Variants in CPA5 observed in about 807,000 individuals in gnomAD.
The protein encoded by CPA5 is testicular tissue protein Li 32.
In CPA5, 38 loss-of-function variants were observed where a neutral mutation model predicts 52.2. The ratio of observed to expected loss-of-function variants is 0.73; its 90% CI spans 0.56 to 0.95. The LOEUF (loss-of-function observed/expected upper bound fraction) is 0.95, where lower values mean the gene tolerates loss of function less well. CPA5 is among the 40% of genes least tolerant of loss of function. The pLI is 0.00. For synonymous variants in CPA5, 198 were observed against 213.7 expected (o/e 0.93, Z 0.64); for missense variants, 519 against 566.7 (o/e 0.92, Z 0.86).
chr7:130,351,178 TG>T (rs782009864), intron 5 of CPA5, among the ~76,000 whole-genome samples: 7 of 152,120 alleles, frequency 4.6e-5, no homozygotes, highest in Non-Finnish European at 7.4e-5. Context: ...GCTCAACGTG[TG>T]GGGGTGGGAT....
chr7:130,349,762 T>C (rs1376978465), intron 4 of CPA5, among the ~76,000 whole-genome samples: 2 of 148,710 alleles, frequency 1.3e-5, no homozygotes, highest in African/African-American at 2.5e-5. Context: ...CAAATCTGTT[T>C]GTATAGGAAA....
At chr7:130,371,299 A>C (rs1037931505), downstream of CPA5, among the ~76,000 whole-genome samples, 9 of 152,242 alleles carry the variant, frequency 5.9e-5, no homozygotes, top group East Asian at 1.3e-3. Flanking sequence ...TCTCAGAGGC[A>C]GGACTATTAC....
chr7:130,368,058 C>T, intron 12 of CPA5, 68 bp downstream of exon 12: 1 of 1,458,896 alleles, frequency 6.9e-7, no homozygotes, highest in Non-Finnish European at 9.6e-7. Flanking sequence ...AGGGCAGTGC[C>T]AAGGATCTAG....
At chr7:130,360,035 C>T (rs979880301) in intron 6 of CPA5, among the ~76,000 whole-genome samples, 4 of 152,166 alleles carry the variant, frequency 2.6e-5, no homozygotes, top group African/African-American at 4.8e-5. Context: ...GCAGGAGCGT[C>T]GCCATCTTGA....
the CPA5 span, among the ~76,000 whole-genome samples, chr7:130,373,992 C>T: frequency 6.6e-6 from 1 of 150,488 alleles, no homozygotes; most frequent in African/African-American, 2.4e-5. Context: ...ACGCCGCCCC[C>T]ACCCCGCCGC....
Position 130,367,574 on chromosome 7 carries a change from G to C in CPA5, c.1038+3G>C, listed in dbSNP as rs1055678745. On this transcript the variant is annotated splice_donor_region_variant and intron_variant, in intron 11 of 12. Transcript: ENST00000474905. ...CCGTTTCAAATCAGAGGGAGTTGGT[G>C]AGACTGGCTGCTTAGGGCCTGGGGA... 4 of 1,613,168 alleles carry C rather than the reference G, an allele frequency of 2.5e-6. No homozygotes were observed. Among genetic ancestry groups the C allele is most frequent in the Middle Eastern group, 3.3e-4 (2 of 6,056 alleles).
chr7:130,350,166 C>T (rs2117310691), intron 5 of CPA5, 57 bp downstream of exon 5: 2 of 1,565,014 alleles, frequency 1.3e-6, no homozygotes, highest in East Asian at 2.3e-5. Flanking sequence ...GGTTGGGGCC[C>T]AACATGGAGG....
intron 5 of CPA5, among the ~76,000 whole-genome samples, chr7:130,358,601 G>C (rs147189207): frequency 2.0e-5 from 3 of 152,106 alleles, no homozygotes; most frequent in Non-Finnish European, 4.4e-5. Context: ...GCAAACAAAG[G>C]GCAACTCGCG....
chr7:130,362,451 G>T lies in CPA5; in HGVS notation c.548G>T (p.Gly183Val), dbSNP rs1554406932. ...TCTTTTTCTCAGTTCAGCACTGGAG[G>T]TTCTCGGCACCCAGCCATCTGGATT... ...SILVLKFSTG[G>V]SRHPAIWIDT... Residue 183 changes from glycine to valine, a missense_variant, in exon 8 of 13, where the codon GGT becomes GTT. Physicochemically the swap from Gly to Val is moderately radical, Grantham distance 109. Coordinates refer to ENST00000474905, the MANE Select transcript of CPA5 (RefSeq NM_080385.5). 2.5e-6 allele frequency: 4 copies of T among 1,612,652 alleles called. No individual in the cohort carries two copies. Among genetic ancestry groups the T allele is most frequent in the Non-Finnish European group, 2.5e-6 (3 of 1,178,886 alleles).
At position 130,367,374 on chromosome 7, in the gene CPA5, A is replaced by C. The variant is rs1316158314; in HGVS notation, c.841A>C (p.Asn281His). Residue 281 changes from asparagine to histidine, a missense_variant and splice_region_variant, in exon 11 of 13, where the codon AAT becomes CAT. Coordinates refer to ENST00000474905, the MANE Select transcript of CPA5 (RefSeq NM_080385.5). ...NRNWKSGFGGNGSNSNPCSET... is the reference protein window; with the variant it reads ...NRNWKSGFGGHGSNSNPCSET... ...GGGTGGCTTTATTTTACTTCCAGGA[A>C]ATGGTTCTAACAGCAACCCCTGCTC... is the stretch of plus-strand genomic sequence containing the variant. 2.5e-6 allele frequency: 4 copies of C among 1,613,826 alleles called. No homozygotes were observed. The highest frequency in any genetic ancestry group is 2.2e-5 in the East Asian group (1 of 44,892).
intron 10 of CPA5, among the ~76,000 whole-genome samples, chr7:130,365,298 G>A (rs1554407927): frequency 6.6e-6 from 1 of 152,178 alleles, no homozygotes; most frequent in Non-Finnish European, 1.5e-5. Context: ...AGCACTGACT[G>A]GAGTGAGTAC....
chr7:130,354,142 G>T (rs1473376940), intron 5 of CPA5, among the ~76,000 whole-genome samples: 1 of 152,078 alleles, frequency 6.6e-6, no homozygotes, highest in African/African-American at 2.4e-5. Context: ...TGCCCAGGCT[G>T]CTCTTGAACT....
At chr7:130,356,402 G>A (rs999822437) in intron 5 of CPA5, among the ~76,000 whole-genome samples, 2 of 152,160 alleles carry the variant, frequency 1.3e-5, no homozygotes, top group Non-Finnish European at 2.9e-5. Context: ...TTGTTTTGTT[G>A]TTTTTTCCTG....
intron 3 of CPA5, among the ~76,000 whole-genome samples, 182 bp downstream of exon 3, chr7:130,346,783 G>A (rs1554402337): frequency 6.6e-6 from 1 of 152,136 alleles, no homozygotes; most frequent in African/African-American, 2.4e-5. Flanking sequence ...CTGGCTCGTT[G>A]GTGGTCCTCC....
chr7:130,368,362 A>G, intron 12 of CPA5, 48 bp from the exon 13 acceptor site: 2 of 1,587,466 alleles, frequency 1.3e-6, no homozygotes, highest in Non-Finnish European at 1.7e-6. Flanking sequence ...TTGCAGCCAC[A>G]TCCCCTTCTT....
At chr7:130,355,818 C>T (rs1795445205) in intron 5 of CPA5, among the ~76,000 whole-genome samples, 1 of 152,234 alleles carries the variant, frequency 6.6e-6, no homozygotes, top group African/African-American at 2.4e-5. Context: ...GAGTTGGTGG[C>T]AGGATCAGGG....
chr7:130,357,623 CAA>C (rs140601691), intron 5 of CPA5, among the ~76,000 whole-genome samples: 14 of 94,984 alleles, frequency 1.5e-4, no homozygotes, highest in Non-Finnish European at 1.4e-4. Flanking sequence ...AATTCCATCT[CAA>C]AAAAAAAAAA....
chr7:130,349,998 C>G lies in CPA5; in HGVS notation c.222C>G (p.Ala74=). ...AGGTGGACTTCTGGCGTGGCCCAGC[C>G]AGGCCCAGCCTCCCTGTGGATATGA... ...PQKVDFWRGP[A]RPSLPVDMRV... Residue 74 remains alanine (A), a synonymous_variant, in exon 5 of 13, where the codon GCC becomes GCG. Coordinates refer to ENST00000474905, the MANE Select transcript of CPA5 (RefSeq NM_080385.5). 1 of 1,613,706 alleles carries G rather than the reference C, an allele frequency of 6.2e-7. No homozygotes were observed. The highest frequency in any genetic ancestry group is 8.5e-7 in the Non-Finnish European group (1 of 1,179,852).
At chr7:130,371,514 C>G (rs1398777791), downstream of CPA5, among the ~76,000 whole-genome samples, 2 of 152,046 alleles carry the variant, frequency 1.3e-5, no homozygotes, top group Non-Finnish European at 2.9e-5. Context: ...GGCCAGATCT[C>G]TGTACAGCCA....
Sources: gnomAD v4.1 joint callset for allele counts (sites outside exome capture counted in the v4.1 genomes callset) on GRCh38, gnomAD v4.1.1 for gene constraint, MANE v1.5 for transcripts, NCBI Gene and HGNC (gene_info 2026-07-23, HGNC 2026-07-21) for gene names.